Variants in CPED1 observed in about 807,000 individuals in gnomAD.
CPED1 encodes the protein cadherin-like and PC-esterase domain-containing protein 1.
Under a neutral mutation model 128.2 loss-of-function variants are expected in CPED1, and 114 were observed. That is an observed-to-expected ratio of 0.89 (90% CI 0.76 to 1.04). CPED1 has a LOEUF of 1.04. CPED1 is among the 50% of genes least tolerant of loss of function. The probability of loss-of-function intolerance (pLI) is 0.00; values close to 1 mark genes in which losing one functional copy is unlikely to be tolerated. For synonymous variants in CPED1, 462 were observed against 426.7 expected (o/e 1.08, Z -1.02); for missense variants, 1,211 against 1,207.1 (o/e 1.00, Z -0.05).
At chr7:121,117,101 A>AAT (rs565453268) in intron 7 of CPED1, among the ~76,000 whole-genome samples, 5 of 142,440 alleles carry the variant, frequency 3.5e-5, no homozygotes, top group Non-Finnish European at 6.1e-5. Context: ...ATATATATAA[A>AAT]TATATATATA....
At chr7:121,047,539 G>T (rs999681346) in intron 4 of CPED1, among the ~76,000 whole-genome samples, 3 of 151,956 alleles carry the variant, frequency 2.0e-5, no homozygotes, top group African/African-American at 7.3e-5. Context: ...TAACGAATCT[G>T]TACGAAAAGT....
intron 18 of CPED1, among the ~76,000 whole-genome samples, chr7:121,247,888 G>A (rs1181572557): frequency 1.3e-5 from 2 of 152,074 alleles, no homozygotes; most frequent in Non-Finnish European, 2.9e-5. Flanking sequence ...AAGAAAATAG[G>A]GCCAACTTCC....
At chr7:121,113,892 G>A (rs963796362) in intron 7 of CPED1, among the ~76,000 whole-genome samples, 1 of 151,840 alleles carries the variant, frequency 6.6e-6, no homozygotes, top group Non-Finnish European at 1.5e-5. Flanking sequence ...GCAGTTGCAC[G>A]ATCTCGGCTC....
intron 22 of CPED1, among the ~76,000 whole-genome samples, chr7:121,286,463 C>T (rs1792575720): frequency 2.6e-5 from 4 of 152,264 alleles, no homozygotes; most frequent in Middle Eastern, 3.4e-3. Flanking sequence ...TTACAGAGGC[C>T]TATGTATTAC....
intron 16 of CPED1, among the ~76,000 whole-genome samples, chr7:121,187,770 G>T (rs1368104292): frequency 2.0e-5 from 3 of 152,104 alleles, no homozygotes; most frequent in Non-Finnish European, 2.9e-5. Flanking sequence ...CTACTAACCA[G>T]CAGGGACAAA....
intron 5 of CPED1, among the ~76,000 whole-genome samples, chr7:121,093,843 C>A (rs1436134444): frequency 6.6e-6 from 1 of 152,028 alleles, no homozygotes; most frequent in East Asian, 1.9e-4. Context: ...GCTCCTCTAC[C>A]CCTTGTTGAT....
chr7:121,260,297 T>G (rs552294555), intron 18 of CPED1, among the ~76,000 whole-genome samples: 7 of 151,288 alleles, frequency 4.6e-5, no homozygotes, highest in Non-Finnish European at 1.0e-4. Flanking sequence ...AATCTTATAT[T>G]TGTTTTTGAC....
At chr7:121,132,612 T>C (rs1278329003) in intron 12 of CPED1, among the ~76,000 whole-genome samples, 2 of 152,052 alleles carry the variant, frequency 1.3e-5, no homozygotes, top group Admixed American at 1.3e-4. Context: ...TTAAAATCAA[T>C]GTGGTGCACC....
intron 5 of CPED1, among the ~76,000 whole-genome samples, chr7:121,075,275 T>C (rs1794095904): frequency 6.6e-6 from 1 of 152,122 alleles, no homozygotes; most frequent in Non-Finnish European, 1.5e-5. Flanking sequence ...GCATCACAAG[T>C]CATTTTAAGC....
intron 18 of CPED1, among the ~76,000 whole-genome samples, chr7:121,246,510 C>T (rs1798537978): frequency 6.6e-6 from 1 of 152,194 alleles, no homozygotes; most frequent in Non-Finnish European, 1.5e-5. Flanking sequence ...TTTGTCATCA[C>T]ACAGCAAAGA....
At chr7:121,076,333 A>G (rs1397374362) in intron 5 of CPED1, among the ~76,000 whole-genome samples, 5 of 152,218 alleles carry the variant, frequency 3.3e-5, no homozygotes, top group African/African-American at 1.2e-4. Context: ...ACATGTGTGA[A>G]AGAACTAGAG....
intron 5 of CPED1, among the ~76,000 whole-genome samples, chr7:121,082,673 A>G (rs1283222928): frequency 6.6e-6 from 1 of 152,224 alleles, no homozygotes; most frequent in Non-Finnish European, 1.5e-5. Flanking sequence ...AGATATATTC[A>G]TGCCTTTTTT....
chr7:121,253,437 A>C (rs1798734406), intron 18 of CPED1, among the ~76,000 whole-genome samples: 1 of 151,952 alleles, frequency 6.6e-6, no homozygotes, highest in South Asian at 2.1e-4. Context: ...TGGTGTGCAC[A>C]TGTACCCTAA....
chr7:121,034,384 A>G (rs1792829895), intron 3 of CPED1, among the ~76,000 whole-genome samples: 1 of 150,862 alleles, frequency 6.6e-6, no homozygotes, highest in Non-Finnish European at 1.5e-5. Context: ...AGTAGCTGGG[A>G]TTACAGGCAT....
intron 2 of CPED1, chr7:120,994,202 C>A (rs959008792): frequency 6.5e-6 from 1 of 153,166 alleles, no homozygotes; most frequent in Non-Finnish European, 1.5e-5. Flanking sequence ...TGCTTGCACT[C>A]TTGGCAAGAG....
At chr7:121,105,358 A>G (rs1399873215) in intron 7 of CPED1, among the ~76,000 whole-genome samples, 1 of 152,136 alleles carries the variant, frequency 6.6e-6, no homozygotes, top group Non-Finnish European at 1.5e-5. Flanking sequence ...GGAAGAAAGT[A>G]TAAAGTGACA....
At chr7:121,000,968 T>A (rs1034563470) in intron 2 of CPED1, among the ~76,000 whole-genome samples, 4 of 152,188 alleles carry the variant, frequency 2.6e-5, no homozygotes, top group African/African-American at 9.6e-5. Flanking sequence ...GAGTCAATGT[T>A]CAATAAATAT....
intron 22 of CPED1, among the ~76,000 whole-genome samples, chr7:121,287,278 G>GACACAC (rs150391829): frequency 6.6e-6 from 1 of 151,102 alleles, no homozygotes; most frequent in African/African-American, 2.4e-5. Flanking sequence ...CACAGACACA[G>GACACAC]ACACACACAC....
chr7:121,150,865 G>T (rs1238485722), intron 16 of CPED1, among the ~76,000 whole-genome samples: 3 of 151,936 alleles, frequency 2.0e-5, no homozygotes, highest in African/African-American at 7.3e-5. Context: ...ACCTCCTGGG[G>T]TCAAGCGATT....
Sources: allele counts gnomAD v4.1 joint callset (sites outside exome capture counted in the v4.1 genomes callset), GRCh38; gene constraint gnomAD v4.1.1; transcripts MANE v1.5; gene names NCBI Gene and HGNC (gene_info 2026-07-23, HGNC 2026-07-21).